The following SEL1L2 variants were observed in gnomAD, a reference collection of about 807,000 sequenced individuals.
SEL1L2 encodes the protein protein sel-1 homolog 2.
SEL1L2 carries 89 observed loss-of-function variants against 98.8 expected under a neutral mutation model. That is an observed-to-expected ratio of 0.90 (90% CI 0.76 to 1.07). The LOEUF (loss-of-function observed/expected upper bound fraction) is 1.07. Ranked by LOEUF, SEL1L2 falls within the 50% of genes least tolerant of loss-of-function variation. The probability of loss-of-function intolerance (pLI) is 0.00; values close to 1 mark genes in which losing one functional copy is unlikely to be tolerated. For missense variants in SEL1L2, 788 were observed against 812.0 expected (o/e 0.97, Z 0.36); for synonymous variants, 262 against 278.5 (o/e 0.94, Z 0.59).
intron 5 of SEL1L2, among the ~76,000 whole-genome samples, chr20:13,891,624 G>T (rs1385658545): frequency 7.4e-6 from 1 of 134,414 alleles, no homozygotes; most frequent in Non-Finnish European, 1.5e-5. Flanking sequence ...CCAAGATCAT[G>T]CCACTGCACT....
chr20:13,910,166 G>A (rs2048153477), intron 5 of SEL1L2, among the ~76,000 whole-genome samples: 1 of 152,146 alleles, frequency 6.6e-6, no homozygotes, highest in Admixed American at 6.6e-5. Context: ...AGGAAATTGA[G>A]ACCCAGAGAG....
In SEL1L2 at chr20:13,849,551, C is replaced by G; in HGVS notation, c.2001G>C (p.Trp667Cys). The G allele has an allele frequency of 6.2e-7, 1 of 1,613,990 alleles. No homozygotes were observed. Among genetic ancestry groups the G allele is most frequent in the Non-Finnish European group, 8.5e-7 (1 of 1,179,930 alleles). ...CAATGAGGCCAATCACAAATAAGTC[C>G]CAGTGTGGTCCAATGGTGTTGTCCA... is the stretch of plus-strand genomic sequence containing the variant. Reference protein sequence around the residue: ...LKLDNTIGPHWDLFVIGLIVP... With the variant: ...LKLDNTIGPHCDLFVIGLIVP... Residue 667 changes from tryptophan (W) to cysteine (C), a missense_variant, in exon 20 of 20, where the codon TGG becomes TGC. Transcript: ENST00000284951.
At chr20:13,871,849 T>A (rs913866620) in intron 12 of SEL1L2, among the ~76,000 whole-genome samples, 4 of 152,118 alleles carry the variant, frequency 2.6e-5, no homozygotes, top group Admixed American at 6.6e-5. Context: ...TGTAGGTATG[T>A]TTTACAGGTT....
chr20:13,896,469 CAAAACA>C (rs1429986874), intron 5 of SEL1L2, among the ~76,000 whole-genome samples: 4 of 147,612 alleles, frequency 2.7e-5, no homozygotes, highest in Admixed American at 6.8e-5. Context: ...GACGCAGTCT[CAAAACA>C]AAAACAAAAA....
upstream of SEL1L2, among the ~76,000 whole-genome samples, chr20:13,992,461 G>A (rs567309443): frequency 3.3e-5 from 5 of 152,146 alleles, no homozygotes; most frequent in South Asian, 6.2e-4. Flanking sequence ...CCAAGATCGC[G>A]CCATTGCATT....
chr20:13,990,642 G>T, upstream of SEL1L2: 1 of 825,924 alleles, frequency 1.2e-6, no homozygotes, highest in Non-Finnish European at 2.0e-6. Context: ...CAGTTGCTAA[G>T]CAACCATTTC....
At chr20:13,850,121 G>C in intron 19 of SEL1L2, 70 bp downstream of exon 19, 1 of 1,580,024 alleles carries the variant, frequency 6.3e-7, no homozygotes, top group Non-Finnish European at 8.6e-7. Context: ...GATGGGCCTT[G>C]TCACTTTGTC....
chr20:13,928,552 A>G (rs1033498233), intron 3 of SEL1L2, among the ~76,000 whole-genome samples: 2 of 152,206 alleles, frequency 1.3e-5, no homozygotes, highest in African/African-American at 4.8e-5. Context: ...TAAGATACCC[A>G]ATCAACAACA....
At chr20:13,921,159 T>G (rs1265461707) in intron 3 of SEL1L2, among the ~76,000 whole-genome samples, 1 of 152,236 alleles carries the variant, frequency 6.6e-6, no homozygotes, top group African/African-American at 2.4e-5. Context: ...TGTAATTCTT[T>G]TTTGGCTTTC....
At chr20:13,959,085 T>C (rs2050669995) in intron 1 of SEL1L2, among the ~76,000 whole-genome samples, 1 of 152,090 alleles carries the variant, frequency 6.6e-6, no homozygotes, top group African/African-American at 2.4e-5. Flanking sequence ...CGTCGACCAT[T>C]CTATGGTTGT....
At chr20:13,888,961 C>CTTTTT (rs35149100) in intron 5 of SEL1L2, among the ~76,000 whole-genome samples, 2 of 127,950 alleles carry the variant, frequency 1.6e-5, no homozygotes, top group Non-Finnish European at 3.4e-5. Flanking sequence ...CTTTTCTTTT[C>CTTTTT]TTTTTTTTTT....
intron 5 of SEL1L2, among the ~76,000 whole-genome samples, chr20:13,896,305 A>G (rs2047420871): frequency 6.6e-6 from 1 of 152,248 alleles, no homozygotes. Context: ...CCCCGTCTCT[A>G]TTAAAAATAC....
chr20:13,935,111 T>C (rs1600820716), intron 2 of SEL1L2, among the ~76,000 whole-genome samples: 1 of 152,182 alleles, frequency 6.6e-6, no homozygotes, highest in South Asian at 2.1e-4. Context: ...TTTACAGAGG[T>C]CAGTGTTTCT....
At chr20:13,938,064 GT>G (rs1354821619) in intron 2 of SEL1L2, among the ~76,000 whole-genome samples, 2 of 150,464 alleles carry the variant, frequency 1.3e-5, no homozygotes, top group East Asian at 1.9e-4. Flanking sequence ...GCAGAAAACC[GT>G]TTTTTCTTTT....
upstream of SEL1L2, among the ~76,000 whole-genome samples, chr20:13,993,259 G>T (rs972801561): frequency 3.3e-5 from 5 of 152,190 alleles, no homozygotes; most frequent in Non-Finnish European, 5.9e-5. Context: ...AATTGCGTAG[G>T]TATAGCAACC....
intron 10 of SEL1L2, among the ~76,000 whole-genome samples, chr20:13,882,073 C>G (rs1216379141): frequency 2.0e-5 from 3 of 151,898 alleles, no homozygotes; most frequent in Non-Finnish European, 2.9e-5. Context: ...CAAAACATCA[C>G]ATTGTATCCC....
At chr20:13,920,651 CA>C (rs2048625920) in intron 3 of SEL1L2, among the ~76,000 whole-genome samples, 1 of 152,018 alleles carries the variant, frequency 6.6e-6, no homozygotes, top group Non-Finnish European at 1.5e-5. Context: ...TCCATTACAA[CA>C]CTTAGTAAAA....
chr20:13,964,717 G>C (rs906189718), intron 1 of SEL1L2, among the ~76,000 whole-genome samples: 2 of 151,962 alleles, frequency 1.3e-5, no homozygotes, highest in East Asian at 3.9e-4. Flanking sequence ...GCTTTCCAAA[G>C]TGCTGGCGGC....
At chr20:13,875,985 G>T in intron 12 of SEL1L2, 53 bp downstream of exon 12, 2 of 1,372,612 alleles carry the variant, frequency 1.5e-6, no homozygotes, top group Non-Finnish European at 2.1e-6. Context: ...CAGTCTGCGT[G>T]TAATAAAAGC....
Sources: allele counts gnomAD v4.1 joint callset (sites outside exome capture counted in the v4.1 genomes callset), GRCh38; gene constraint gnomAD v4.1.1; transcripts MANE v1.5; gene names NCBI Gene and HGNC (gene_info 2026-07-23, HGNC 2026-07-21).